The following INPP5B variants were observed in gnomAD, a reference collection of about 807,000 sequenced individuals.
The protein encoded by INPP5B is inositol polyphosphate-5-phosphatase B.
INPP5B carries 90 observed loss-of-function variants against 118.5 expected under a neutral mutation model. That is an observed-to-expected ratio of 0.76 (90% CI 0.64 to 0.90). The LOEUF (loss-of-function observed/expected upper bound fraction) is 0.90. Among genes scored for constraint, INPP5B ranks in the 40% least tolerant of loss-of-function variants. The pLI is 0.00. For missense variants in INPP5B, 984 were observed against 1,125.6 expected (o/e 0.87, Z 1.80); for synonymous variants, 385 against 418.9 (o/e 0.92, Z 0.99).
intron 6 of INPP5B, among the ~76,000 whole-genome samples, chr1:37,939,476 T>C (rs904525643): frequency 1.3e-5 from 2 of 151,046 alleles, no homozygotes; most frequent in African/African-American, 2.4e-5. Context: ...GATGGAGTCT[T>C]GCTCTGTCCC....
chr1:37,878,024 A>G (rs894456493), intron 16 of INPP5B, among the ~76,000 whole-genome samples, 164 bp downstream of exon 16: 1 of 152,242 alleles, frequency 6.6e-6, no homozygotes, highest in Non-Finnish European at 1.5e-5. Flanking sequence ...GAGGCATACT[A>G]AAACAATTAT....
rs981418520 is a variant in INPP5B, at chr1:37,927,539, C to T, written c.532+4374G>A. Among the ~76,000 whole-genome samples the T allele has an allele frequency of 8.9e-3, 1,266 of 142,458 alleles. 19 individuals carry two copies. Among genetic ancestry groups the T allele is most frequent in the African/African-American group, 0.031 (1,206 of 38,992 alleles). 93.5% of individuals were successfully genotyped at this position (142,458 alleles called of 152,430 possible). On this transcript the variant is annotated intron_variant, in intron 7 of 23. Coordinates refer to ENST00000373024, the MANE Select transcript of INPP5B (RefSeq NM_005540.3). ...CTCCATTTCATTTTTCTTTTTCTTTCTTTTTTTTTTTTTTTGAGACAGAGT... is the reference window on the plus strand; with the variant it reads ...CTCCATTTCATTTTTCTTTTTCTTTTTTTTTTTTTTTTTTTGAGACAGAGT...
intron 7 of INPP5B, chr1:37,931,119 GA>G: frequency 5.8e-6 from 1 of 171,504 alleles, no homozygotes; most frequent in Non-Finnish European, 1.3e-5. Flanking sequence ...TGCTGGGTGG[GA>G]AAAAACCTAG....
At position 37,880,213 on chromosome 1, in the gene INPP5B, GA is replaced by G. The variant is rs755575012; in HGVS notation, c.1432-20del. 6.7e-5 allele frequency: 100 copies of G among 1,491,334 alleles called. No individual in the cohort carries two copies. The highest frequency in any genetic ancestry group is 9.5e-5 in the East Asian group (4 of 42,220). 92.4% of individuals were successfully genotyped at this position (1,491,334 alleles called of 1,614,324 possible). On this transcript the variant is annotated intron_variant, in intron 14 of 23. Transcript: ENST00000373024. ...TTTTCAGCTATACAAAAGGATGGGA[GA>G]AAAAAAAATATCAGAATAAAAAGGT...
intron 7 of INPP5B, among the ~76,000 whole-genome samples, chr1:37,895,109 T>C (rs1051196515): frequency 1.3e-5 from 2 of 152,166 alleles, no homozygotes; most frequent in African/African-American, 2.4e-5. Flanking sequence ...TTTGAGTTAG[T>C]AATGGTGTAT....
intron 7 of INPP5B, among the ~76,000 whole-genome samples, chr1:37,904,333 T>TAATA (rs61266973): frequency 5.3e-5 from 8 of 151,524 alleles, no homozygotes; most frequent in African/African-American, 1.9e-4. Flanking sequence ...CAAAAAAAAA[T>TAATA]AATAAATAAA....
At chr1:37,931,705 G>A (rs1218940355) in intron 7 of INPP5B, 3 of 1,541,754 alleles carry the variant, frequency 1.9e-6, no homozygotes, top group Non-Finnish European at 2.6e-6. Flanking sequence ...GCCGGCGGCG[G>A]CAGACATTTC....
intron 7 of INPP5B, among the ~76,000 whole-genome samples, chr1:37,927,584 T>C (rs1052516509): frequency 1.5e-4 from 22 of 151,678 alleles, no homozygotes; most frequent in Non-Finnish European, 3.1e-4. Context: ...TCACCAAGGC[T>C]GGAGTCCAGT....
chr1:37,906,013 T>C (rs1644491533), intron 7 of INPP5B, among the ~76,000 whole-genome samples: 1 of 152,264 alleles, frequency 6.6e-6, no homozygotes, highest in Non-Finnish European at 1.5e-5. Context: ...TTTGTGAGTA[T>C]TCTCAACTTA....
chr1:37,941,958 A>AAAAAAAAAAATATAT (rs1427344681), intron 5 of INPP5B: 8 of 30,352 alleles, frequency 2.6e-4, no homozygotes, highest in Admixed American at 2.1e-3. Flanking sequence ...AAAAAAAAAA[A>AAAAAAAAAAATATAT]ATATATATAT....
chr1:37,912,779 A>C (rs1451531330), intron 7 of INPP5B, among the ~76,000 whole-genome samples: 1 of 151,910 alleles, frequency 6.6e-6, no homozygotes, highest in Non-Finnish European at 1.5e-5. Context: ...ACTCACTCTT[A>C]TTCTCATTCC....
chr1:37,943,302 T>C (rs28391281), intron 5 of INPP5B, among the ~76,000 whole-genome samples: 53,897 of 151,586 alleles, frequency 0.36, 11,068 homozygotes, highest in Non-Finnish European at 0.46. Flanking sequence ...ATTTCAGGGG[T>C]TTAACAAAGG....
In INPP5B at chr1:37,945,860, A is replaced by G. The variant is rs1646092573; in HGVS notation, c.58-10T>C. On this transcript the variant is annotated splice_polypyrimidine_tract_variant and intron_variant, in intron 2 of 23. Transcript: ENST00000373024. ...GCACACCTTGCACCGCCTGCGGCTC[A>G]GAGTCAAGGGAAGACAACCCAGAGG... The G allele has an allele frequency of 1.9e-6, 3 of 1,613,484 alleles. No homozygotes were observed. Among genetic ancestry groups the G allele is most frequent in the African/African-American group, 1.3e-5 (1 of 74,930 alleles).
intron 7 of INPP5B, among the ~76,000 whole-genome samples, chr1:37,891,989 T>C (rs1643866277): frequency 1.3e-5 from 2 of 152,176 alleles, no homozygotes; most frequent in African/African-American, 4.8e-5. Flanking sequence ...AAAGTGTAAC[T>C]ATTCCAGCTA....
Position 37,889,741 on chromosome 1 carries a change from AT to A in INPP5B, c.630-18del. ...TTATTCTGTCTGGAAAAACAGAAGT[AT>A]TTTTTTCATATGTGGATGAGTCCCC... On this transcript the variant is annotated intron_variant, in intron 8 of 23. Coordinates refer to ENST00000373024, the MANE Select transcript of INPP5B (RefSeq NM_005540.3). 6 of 1,596,076 alleles carry A rather than the reference AT, an allele frequency of 3.8e-6. No homozygotes were observed. The highest frequency in any genetic ancestry group is 5.1e-6 in the Non-Finnish European group (6 of 1,169,250).
intron 7 of INPP5B, among the ~76,000 whole-genome samples, chr1:37,898,869 T>G (rs1644223864): frequency 6.6e-6 from 1 of 151,996 alleles, no homozygotes; most frequent in Non-Finnish European, 1.5e-5. Context: ...TAAGTAACTT[T>G]AGAAATGAGT....
rs1351863715 is a variant in INPP5B, at chr1:37,932,018, A to G, written c.427T>C (p.Trp143Arg). 1 of 1,604,956 alleles carries G rather than the reference A, an allele frequency of 6.2e-7. No homozygotes were observed. Among genetic ancestry groups the G allele is most frequent in the Non-Finnish European group, 8.5e-7 (1 of 1,174,346 alleles). ...DSATRDPEFL[W>R]LSRYRCAELE... Reference sequence around the variant, plus strand: ...TCTGCGCACCTATACCGAGACAGCCACAGGAATTCAGGATCCCGGGTCGCA... The same window carrying G: ...TCTGCGCACCTATACCGAGACAGCCGCAGGAATTCAGGATCCCGGGTCGCA... The change falls in exon 7 of 24, where the codon TGG becomes CGG. Residue 143 changes from tryptophan to arginine, a missense_variant. By Grantham distance (101) the Trp-to-Arg change is moderately radical. Transcript: ENST00000373024.
At chr1:37,915,849 T>TAG (rs1443398784) in intron 7 of INPP5B, among the ~76,000 whole-genome samples, 7 of 152,238 alleles carry the variant, frequency 4.6e-5, no homozygotes. Flanking sequence ...TTGAGAAAGT[T>TAG]ATCTAACTTC....
At chr1:37,939,181 C>G (rs1160143481) in intron 6 of INPP5B, among the ~76,000 whole-genome samples, 1 of 128,770 alleles carries the variant, frequency 7.8e-6, no homozygotes, top group African/African-American at 3.0e-5. Flanking sequence ...GCGACAAGAG[C>G]GAAACTCCGT....
Sources: gnomAD v4.1 joint callset for allele counts (sites outside exome capture counted in the v4.1 genomes callset) on GRCh38, gnomAD v4.1.1 for gene constraint, MANE v1.5 for transcripts, NCBI Gene and HGNC (gene_info 2026-07-23, HGNC 2026-07-21) for gene names.